LDAH: variants seen among roughly 807,000 people sequenced by gnomAD.
LDAH encodes the protein lipid droplet-associated hydrolase.
A neutral mutation model predicts 29.6 loss-of-function variants in LDAH; 26 were observed. That is an observed-to-expected ratio of 0.88 (90% CI 0.64 to 1.22). LDAH has a LOEUF of 1.22. LDAH is among the 50% of genes most tolerant of loss of function. The pLI is 0.00. For missense variants in LDAH, 344 were observed against 387.3 expected (o/e 0.89, Z 0.94); for synonymous variants, 117 against 133.0 (o/e 0.88, Z 0.83).
intron 5 of LDAH, among the ~76,000 whole-genome samples, chr2:20,702,681 A>G (rs1664032688): frequency 6.6e-6 from 1 of 152,154 alleles, no homozygotes; most frequent in Admixed American, 6.5e-5. Context: ...AGCCTTACCT[A>G]AAAACTGCAA....
intron 6 of LDAH, among the ~76,000 whole-genome samples, chr2:20,688,395 C>T (rs1662723332): frequency 2.0e-5 from 3 of 152,114 alleles, no homozygotes; most frequent in Admixed American, 1.3e-4. Context: ...GGGATGAGGT[C>T]ATGGACAGCA....
At chr2:20,719,435 C>CA in intron 5 of LDAH, among the ~76,000 whole-genome samples, 1 of 150,522 alleles carries the variant, frequency 6.6e-6, no homozygotes, top group Admixed American at 6.7e-5. Context: ...AAAATTGAAA[C>CA]AAAGAAATAG....
rs544231329 is a variant in LDAH, at chr2:20,711,844, A to G, written c.704-10192T>C. On this transcript the variant is annotated intron_variant, in intron 5 of 6. Transcript: ENST00000237822. ...CAGCCCGGCAGGGGGAGGGGCGTCC[A>G]CCATTGCTGAGTCTTGAGTAGGCAA... 6.6e-5 allele frequency among the ~76,000 whole-genome samples: 10 copies of G among 152,336 alleles called. No homozygotes were observed. In the South Asian group the frequency reaches 1.9e-3, roughly 28 times the overall value.
intron 5 of LDAH, among the ~76,000 whole-genome samples, chr2:20,702,879 C>T (rs1290903532): frequency 6.6e-6 from 1 of 152,192 alleles, no homozygotes; most frequent in Non-Finnish European, 1.5e-5. Context: ...GTTGCCCGGG[C>T]TGGAGGGCAA....
intron 4 of LDAH, among the ~76,000 whole-genome samples, chr2:20,750,807 C>T (rs1297113773): frequency 2.6e-5 from 4 of 152,212 alleles, no homozygotes; most frequent in African/African-American, 7.2e-5. Context: ...TACATATACT[C>T]CATGGACTAC....
intron 5 of LDAH, among the ~76,000 whole-genome samples, chr2:20,736,217 G>A (rs921389056): frequency 1.3e-5 from 2 of 152,148 alleles, no homozygotes; most frequent in Non-Finnish European, 2.9e-5. Context: ...CAAGGCAGGT[G>A]GATCACCTGA....
rs1394059638 is a variant in LDAH, at chr2:20,755,023, T to C, written c.469-14818A>G. Among the ~76,000 whole-genome samples, 3 of 152,226 alleles carry C rather than the reference T, an allele frequency of 2.0e-5. No individual in the cohort carries two copies. The East Asian group carries it at 5.8e-4, about 29-fold the overall frequency. On this transcript the variant is annotated intron_variant, in intron 4 of 6. Transcript: ENST00000237822. Reference sequence around the variant, plus strand: ...ACTGTACTGTGGTTGATTAAGAGAATATTCTTATTCTTAAGAACATCTTAA... The same window carrying C: ...ACTGTACTGTGGTTGATTAAGAGAACATTCTTATTCTTAAGAACATCTTAA...
At chr2:20,716,872 C>T (rs1003557080) in intron 5 of LDAH, among the ~76,000 whole-genome samples, 14 of 98,490 alleles carry the variant, frequency 1.4e-4, no homozygotes, top group African/African-American at 3.3e-4. Context: ...CCCAGAGCCT[C>T]CAGACAAGAA....
chr2:20,803,945 T>C (rs1483372802), intron 1 of LDAH, among the ~76,000 whole-genome samples: 1 of 152,190 alleles, frequency 6.6e-6, no homozygotes, highest in Non-Finnish European at 1.5e-5. Flanking sequence ...CTCTCATGTG[T>C]CTGTGCAAAT....
intron 6 of LDAH, among the ~76,000 whole-genome samples, chr2:20,688,532 G>A (rs1440393353): frequency 6.6e-6 from 1 of 152,204 alleles, no homozygotes; most frequent in Non-Finnish European, 1.5e-5. Context: ...CGAGAAGAAG[G>A]ATTGGAGGTG....
intron 5 of LDAH, among the ~76,000 whole-genome samples, chr2:20,739,758 A>C (rs1286413090): frequency 1.3e-5 from 2 of 152,206 alleles, no homozygotes; most frequent in African/African-American, 4.8e-5. Flanking sequence ...CAGAAACATA[A>C]GGTAAAATTA....
At chr2:20,744,415 T>C (rs1029837787) in intron 4 of LDAH, among the ~76,000 whole-genome samples, 2 of 152,144 alleles carry the variant, frequency 1.3e-5, no homozygotes, top group African/African-American at 4.8e-5. Flanking sequence ...CATATGCCTC[T>C]GGTGTACAAA....
intron 4 of LDAH, among the ~76,000 whole-genome samples, chr2:20,762,406 C>T (rs571902007): frequency 8.6e-4 from 131 of 152,244 alleles, no homozygotes; most frequent in African/African-American, 3.1e-3. Flanking sequence ...TCCTTTACCC[C>T]TAACCACCAG....
rs920440289 is a variant in LDAH, at chr2:20,744,434, T to G, written c.469-4229A>C. Among the ~76,000 whole-genome samples, 11 of 152,228 alleles carry G rather than the reference T, an allele frequency of 7.2e-5. 1 individual carries two copies. Among genetic ancestry groups the G allele is most frequent in the African/African-American group, 2.6e-4 (11 of 41,552 alleles). ...TGCCTCTGGTGTACAAACTTCTAAG[T>G]GTTTCCTCAGTATTCTTCTCCCCTC... On this transcript the variant is annotated intron_variant, in intron 4 of 6. Coordinates refer to ENST00000237822, the MANE Select transcript of LDAH (RefSeq NM_021925.4).
At chr2:20,723,083 T>A (rs970761000) in intron 5 of LDAH, among the ~76,000 whole-genome samples, 1 of 152,218 alleles carries the variant, frequency 6.6e-6, no homozygotes, top group African/African-American at 2.4e-5. Context: ...TAGTACCACA[T>A]TGGAAACAAC....
At chr2:20,788,563 A>G (rs1030589351) in intron 3 of LDAH, among the ~76,000 whole-genome samples, 1 of 152,238 alleles carries the variant, frequency 6.6e-6, no homozygotes, top group African/African-American at 2.4e-5. Flanking sequence ...AAGACTATAG[A>G]TGTAAAATGT....
rs367959894 is a variant in LDAH at position 20,744,199 on chromosome 2, T to C, written c.469-3994A>G. On this transcript the variant is annotated intron_variant, in intron 4 of 6. Coordinates refer to ENST00000237822, the MANE Select transcript of LDAH (RefSeq NM_021925.4). ...TCCAGAATCCCTATCTGTCTGGGTC[T>C]GAAGCTTGCTCTATTCTCCTCAGAT... is the stretch of plus-strand genomic sequence containing the variant. Among the ~76,000 whole-genome samples the C allele has an allele frequency of 1.1e-3, 165 of 150,944 alleles. 2 individuals are homozygous for C. Among genetic ancestry groups the C allele is most frequent in the African/African-American group, 3.8e-3 (156 of 40,898 alleles).
chr2:20,765,164 G>C (rs1258202668), intron 4 of LDAH, among the ~76,000 whole-genome samples: 2 of 152,162 alleles, frequency 1.3e-5, no homozygotes, highest in Admixed American at 1.3e-4. Context: ...CAAATGGAAG[G>C]AAACCTGTTC....
At chr2:20,779,115 C>T (rs1382569977) in intron 3 of LDAH, among the ~76,000 whole-genome samples, 1 of 152,168 alleles carries the variant, frequency 6.6e-6, no homozygotes, top group Non-Finnish European at 1.5e-5. Flanking sequence ...ATTTGCTCAG[C>T]TACTAAACCC....
Sources: allele counts gnomAD v4.1 joint callset (sites outside exome capture counted in the v4.1 genomes callset), GRCh38; gene constraint gnomAD v4.1.1; transcripts MANE v1.5; gene names NCBI Gene and HGNC (gene_info 2026-07-23, HGNC 2026-07-21).